Variants in DIP2C observed in about 807,000 individuals in gnomAD.
DIP2C encodes disco-interacting protein 2 homolog C.
A neutral mutation model predicts 192.4 loss-of-function variants in DIP2C; 33 were observed. The observed-to-expected ratio is 0.17, with a 90% confidence interval of 0.13 to 0.23. The LOEUF is 0.23. Ranked by LOEUF, DIP2C falls within the 10% of genes least tolerant of loss-of-function variation. The pLI, the probability that DIP2C is intolerant of heterozygous loss-of-function variation, is 1.00. For missense variants in DIP2C, 1,537 were observed against 2,110.1 expected (o/e 0.73, Z 5.32); for synonymous variants, 979 against 864.1 (o/e 1.13, Z -2.33).
chr10:335,770 T>G (rs1197206160), intron 29 of DIP2C, among the ~76,000 whole-genome samples: 1 of 152,226 alleles, frequency 6.6e-6, no homozygotes, highest in Non-Finnish European at 1.5e-5. Context: ...CCATGAAGAC[T>G]CTCTTTCCTT....
At chr10:513,628 A>AAGTG (rs1049147242) in intron 1 of DIP2C, among the ~76,000 whole-genome samples, 2 of 151,836 alleles carry the variant, frequency 1.3e-5, no homozygotes, top group African/African-American at 4.8e-5. Context: ...CCTTACCTGA[A>AAGTG]AGTCACTAAG....
At chr10:379,492 T>C (rs1300387406) in intron 17 of DIP2C, among the ~76,000 whole-genome samples, 6 of 152,164 alleles carry the variant, frequency 3.9e-5, no homozygotes, top group Non-Finnish European at 8.8e-5. Flanking sequence ...TTGAAGGCCC[T>C]GGACCTTGAC....
intron 1 of DIP2C, among the ~76,000 whole-genome samples, chr10:623,950 T>A (rs1217135081): frequency 6.6e-6 from 1 of 152,244 alleles, no homozygotes; most frequent in Non-Finnish European, 1.5e-5. Flanking sequence ...TAAAAATTCC[T>A]TCTGAGTTTT....
At chr10:340,298 G>T (rs561212847) in intron 29 of DIP2C, among the ~76,000 whole-genome samples, 2 of 151,706 alleles carry the variant, frequency 1.3e-5, no homozygotes, top group East Asian at 3.9e-4. Flanking sequence ...AATGTGTAAA[G>T]AAGATTTATG....
rs144835398 is a variant in DIP2C, at chr10:523,754, G to C, written c.86-37224C>G. Among the ~76,000 whole-genome samples the C allele has an allele frequency of 7.5e-3, 1,130 of 151,184 alleles. 15 individuals carry two copies. Among genetic ancestry groups the C allele is most frequent in the Middle Eastern group, 0.02 (6 of 294 alleles). ...CCTGGAGTGAAGATGCAGGGACTCTGTGTGACCAACACGCCCGTTTCCACC... is the reference window on the plus strand; with the variant it reads ...CCTGGAGTGAAGATGCAGGGACTCTCTGTGACCAACACGCCCGTTTCCACC... On this transcript the variant is annotated intron_variant, in intron 1 of 36. Coordinates refer to ENST00000280886, the MANE Select transcript of DIP2C (RefSeq NM_014974.3).
rs951181493 is a variant in DIP2C at position 689,512 on chromosome 10, C to T, written c.67G>A (p.Glu23Lys). Residue 23 changes from glutamate to lysine, a missense_variant, in exon 1 of 37, where the codon GAG becomes AAG. Glu to Lys is a moderately conservative substitution (Grantham distance 56). Coordinates refer to ENST00000280886, the MANE Select transcript of DIP2C (RefSeq NM_014974.3). This position sits in a 1 kb window ranked among gnomAD's most constrained non-coding sequence, Gnocchi z 6.1. ...CGGTTACCTTCCGACAGCTCCAGCT[C>T]CAGCTCGGCCAGGCGCGCCCGCACC... ...LEVRARLAEL[E>K]LELSEGDITQ... is the part of the protein sequence containing the mutation. The T allele has an allele frequency of 6.2e-6, 8 of 1,286,216 alleles. No homozygotes were observed. The highest frequency in any genetic ancestry group is 1.6e-5 in the African/African-American group (1 of 63,488). The allele number at this position is 1,286,216 out of a possible 1,614,324, so 79.7% of individuals were successfully genotyped here.
At chr10:445,510 C>A (rs1158518598) in intron 3 of DIP2C, among the ~76,000 whole-genome samples, 1 of 152,004 alleles carries the variant, frequency 6.6e-6, no homozygotes, top group Non-Finnish European at 1.5e-5. Flanking sequence ...GTCTATCTTG[C>A]ACTGGGCATC....
intron 1 of DIP2C, among the ~76,000 whole-genome samples, chr10:653,704 C>G (rs922078102): frequency 1.3e-5 from 2 of 152,224 alleles, no homozygotes; most frequent in Admixed American, 6.5e-5. Context: ...GAGAAAGTCT[C>G]CACCAGGGTG....
chr10:646,149 C>T (rs1387005151), intron 1 of DIP2C, among the ~76,000 whole-genome samples: 5 of 152,200 alleles, frequency 3.3e-5, no homozygotes, highest in Admixed American at 2.6e-4. Flanking sequence ...GAAACGCATG[C>T]TCGAGGCCTC....
intron 1 of DIP2C, among the ~76,000 whole-genome samples, chr10:524,292 GA>G (rs1846917848): frequency 6.6e-6 from 1 of 152,134 alleles, no homozygotes; most frequent in Non-Finnish European, 1.5e-5. Context: ...GTGAGGCCTG[GA>G]ACGCGGGAGG....
chr10:482,436 T>C (rs1166038749), intron 2 of DIP2C, among the ~76,000 whole-genome samples: 1 of 152,092 alleles, frequency 6.6e-6, no homozygotes, highest in African/African-American at 2.4e-5. Context: ...CGGATACCTC[T>C]TCCCTGGAGA....
intron 1 of DIP2C, among the ~76,000 whole-genome samples, chr10:558,250 AAG>A (rs1459829717): frequency 3.9e-5 from 6 of 152,124 alleles, no homozygotes; most frequent in Non-Finnish European, 7.4e-5. Flanking sequence ...TTGCTAGAGA[AAG>A]AAACAGGTTC....
At chr10:487,925 A>G (rs1331767183) in intron 1 of DIP2C, among the ~76,000 whole-genome samples, 1 of 152,180 alleles carries the variant, frequency 6.6e-6, no homozygotes, top group Non-Finnish European at 1.5e-5. Flanking sequence ...ATTTCTGCAG[A>G]AATGTTAAAG....
At chr10:567,564 C>T (rs2131502627) in intron 1 of DIP2C, among the ~76,000 whole-genome samples, 1 of 152,298 alleles carries the variant, frequency 6.6e-6, no homozygotes, top group South Asian at 2.1e-4. Context: ...CTTCCTAAAT[C>T]ATCTGAATAT....
rs528037148 is a variant in DIP2C, at chr10:644,879, G to A, written c.85+44615C>T. Among the ~76,000 whole-genome samples, 3 of 152,356 alleles carry A rather than the reference G, an allele frequency of 2.0e-5. No homozygotes were observed. In the South Asian group the frequency reaches 6.2e-4, roughly 32 times the overall value. ...TTTAGCACCAGCATCTGTGAAACAA[G>A]AACAAAAGTCGCATGGGAAAGTGAG... On this transcript the variant is annotated intron_variant, in intron 1 of 36. Coordinates refer to ENST00000280886, the MANE Select transcript of DIP2C (RefSeq NM_014974.3).
chr10:411,296 C>T (rs533817170), intron 8 of DIP2C, among the ~76,000 whole-genome samples: 12 of 152,316 alleles, frequency 7.9e-5, no homozygotes, highest in African/African-American at 2.6e-4. Flanking sequence ...AGAGGAAGAG[C>T]GTACCAGAGA....
At chr10:579,444 G>A (rs1035019372) in intron 1 of DIP2C, among the ~76,000 whole-genome samples, 94 of 151,106 alleles carry the variant, frequency 6.2e-4, no homozygotes, top group African/African-American at 2.0e-3. Context: ...TATAACACAT[G>A]TGTACATGCA....
chr10:566,872 C>T (rs929179483), intron 1 of DIP2C, among the ~76,000 whole-genome samples: 7 of 152,222 alleles, frequency 4.6e-5, no homozygotes, highest in Non-Finnish European at 1.0e-4. Context: ...ATCCACAGCA[C>T]GTACTGCCTC....
intron 3 of DIP2C, among the ~76,000 whole-genome samples, chr10:460,098 G>A (rs1171423444): frequency 6.6e-6 from 1 of 151,822 alleles, no homozygotes; most frequent in East Asian, 1.9e-4. Flanking sequence ...CGTGCTGCAC[G>A]TGGGCTCTAG....
Sources: allele counts gnomAD v4.1 joint callset (sites outside exome capture counted in the v4.1 genomes callset), GRCh38; gene constraint gnomAD v4.1.1; non-coding constraint Gnocchi (gnomAD v3.1); transcripts MANE v1.5; gene names NCBI Gene and HGNC (gene_info 2026-07-23, HGNC 2026-07-21).